The following STK3 variants were observed in gnomAD, a reference collection of about 807,000 sequenced individuals.
STK3 encodes the protein serine/threonine-protein kinase 3.
A neutral mutation model predicts 58.0 loss-of-function variants in STK3; 41 were observed. The ratio of observed to expected loss-of-function variants is 0.71; its 90% CI spans 0.55 to 0.92. STK3 has a LOEUF of 0.92. Ranked by LOEUF, STK3 falls within the 40% of genes least tolerant of loss-of-function variation. STK3 has a pLI of 0.00. For synonymous variants in STK3, 170 were observed against 191.0 expected (o/e 0.89, Z 0.91); for missense variants, 479 against 602.7 (o/e 0.79, Z 2.15).
Position 98,685,515 on chromosome 8 carries a change from T to C in STK3, c.684+20952A>G, listed in dbSNP as rs151066833. Among the ~76,000 whole-genome samples the C allele has an allele frequency of 3.0e-3, 452 of 152,198 alleles. 7 individuals are homozygous for C. The East Asian group carries it at 0.062, about 21-fold the overall frequency. ...ACAAGACAAAAATATGTTGAAACTG[T>C]CACTGTAATAAACCTTAATCCCCAG... On this transcript the variant is annotated intron_variant, in intron 6 of 10. Coordinates refer to ENST00000419617, the MANE Select transcript of STK3 (RefSeq NM_006281.4).
intron 4 of STK3, among the ~76,000 whole-genome samples, chr8:98,711,732 T>G (rs1826468681): frequency 6.6e-6 from 1 of 152,214 alleles, no homozygotes; most frequent in African/African-American, 2.4e-5. Flanking sequence ...CCAGGAGAAC[T>G]TCCTCAACCT....
intron 6 of STK3, among the ~76,000 whole-genome samples, chr8:98,653,646 G>A (rs1001663552): frequency 6.6e-5 from 10 of 152,006 alleles, no homozygotes; most frequent in African/African-American, 2.4e-4. Flanking sequence ...AATGATAAAG[G>A]GGATATCACG....
In STK3 at chr8:98,767,375, A is replaced by C; in HGVS notation, c.108-4T>G. ...TTTAAATACACTTCCATAAGACCTA[A>C]AAGAAACCAAGACATTATTTTTTTC... On this transcript the variant is annotated splice_polypyrimidine_tract_variant and splice_region_variant and intron_variant, in intron 2 of 10. Transcript: ENST00000419617. 6.3e-7 allele frequency: 1 copy of C among 1,586,668 alleles called. No individual in the cohort carries two copies. The highest frequency in any genetic ancestry group is 8.5e-7 in the Non-Finnish European group (1 of 1,172,742).
downstream of STK3, among the ~76,000 whole-genome samples, chr8:98,452,171 A>G (rs1819228392): frequency 6.6e-6 from 1 of 152,210 alleles, no homozygotes; most frequent in Non-Finnish European, 1.5e-5. Flanking sequence ...TTATTAATGT[A>G]TTATATAATT....
intron 3 of STK3, among the ~76,000 whole-genome samples, chr8:98,425,790 T>C (rs1207432868): frequency 6.6e-6 from 1 of 152,078 alleles, no homozygotes; most frequent in Non-Finnish European, 1.5e-5. Flanking sequence ...CAGGATTGCG[T>C]AAAGAAAGAA....
Position 98,907,149 on chromosome 8 carries a change from T to A in STK3, c.-78-23315A>T, listed in dbSNP as rs540267988. ...CTCCAGCCTGGGCGACAGAGCAAGA[T>A]TCTGTCTCAAAAGCAACCAAAAAAC... On this transcript the variant is annotated intron_variant, in intron 1 of 1. Coordinates refer to the STK3 transcript ENST00000519420. Among the ~76,000 whole-genome samples the A allele has an allele frequency of 2.5e-3, 345 of 140,160 alleles. 2 individuals are homozygous for A. Among genetic ancestry groups the A allele is most frequent in the African/African-American group, 8.8e-3 (334 of 37,778 alleles). 92.0% of individuals were successfully genotyped at this position (140,160 alleles called of 152,430 possible). A position where few individuals can be genotyped will look rare whatever the true frequency, so the allele number is the denominator to read the frequency against.
At chr8:98,937,605 GT>G (rs1840242284) in intron 1 of STK3, among the ~76,000 whole-genome samples, 1 of 152,148 alleles carries the variant, frequency 6.6e-6, no homozygotes, top group African/African-American at 2.4e-5. Flanking sequence ...AAAGTTCAAG[GT>G]TTCAAACAAT....
intron 6 of STK3, among the ~76,000 whole-genome samples, chr8:98,625,802 G>T (rs1224645168): frequency 6.6e-6 from 1 of 152,156 alleles, no homozygotes; most frequent in African/African-American, 2.4e-5. Context: ...ACTGACAACA[G>T]ACAACCACCA....
intron 6 of STK3, among the ~76,000 whole-genome samples, chr8:98,618,318 A>T (rs1262400851): frequency 2.0e-5 from 3 of 148,262 alleles, no homozygotes; most frequent in African/African-American, 7.5e-5. Flanking sequence ...GTATTTCAAA[A>T]TAATAAGAGC....
chr8:98,754,260 A>C lies in STK3; in HGVS notation c.237-4870T>G, dbSNP rs145985396. 1.9e-3 allele frequency among the ~76,000 whole-genome samples: 296 copies of C among 152,282 alleles called. 1 individual carries two copies. The highest frequency in any genetic ancestry group is 7.0e-3 in the African/African-American group (289 of 41,562). On this transcript the variant is annotated intron_variant, in intron 3 of 10. Transcript: ENST00000419617. ...TAGAACTGCAACATATGAGAAACAA[A>C]AAAAAAAATTCTTTACATGTACTCC...
At chr8:98,855,312 C>T (rs1289546498) in intron 3 of STK3, among the ~76,000 whole-genome samples, 3 of 152,166 alleles carry the variant, frequency 2.0e-5, no homozygotes, top group Non-Finnish European at 2.9e-5. Context: ...GTGGTGCAGG[C>T]ACAAGGACAG....
At chr8:98,407,970 G>T (rs991675303) in intron 3 of STK3, among the ~76,000 whole-genome samples, 4 of 152,162 alleles carry the variant, frequency 2.6e-5, no homozygotes, top group African/African-American at 9.7e-5. Flanking sequence ...CATTATACTC[G>T]CAGTGAACCT....
chr8:98,637,447 C>A (rs922532567), intron 6 of STK3, among the ~76,000 whole-genome samples: 1 of 152,100 alleles, frequency 6.6e-6, no homozygotes, highest in Non-Finnish European at 1.5e-5. Flanking sequence ...TTCTGATTGC[C>A]TTTGGGTAGG....
intron 3 of STK3, among the ~76,000 whole-genome samples, chr8:98,848,402 A>G (rs897073401): frequency 2.0e-5 from 3 of 152,042 alleles, no homozygotes; most frequent in African/African-American, 7.2e-5. Context: ...GGTATGCGCC[A>G]CCATGCCTGG....
At chr8:98,658,851 G>T (rs529280085) in intron 6 of STK3, among the ~76,000 whole-genome samples, 1 of 152,038 alleles carries the variant, frequency 6.6e-6, no homozygotes, top group East Asian at 1.9e-4. Flanking sequence ...TTAAAAAATG[G>T]GTCAAACACA....
chr8:98,630,351 C>G (rs1007377701), intron 6 of STK3, among the ~76,000 whole-genome samples: 1 of 152,142 alleles, frequency 6.6e-6, no homozygotes, highest in African/African-American at 2.4e-5. Flanking sequence ...TATTAAGAAT[C>G]AGTATTAAGG....
At chr8:98,616,533 C>G in intron 6 of STK3, among the ~76,000 whole-genome samples, 2 of 142,022 alleles carry the variant, frequency 1.4e-5, no homozygotes, top group African/African-American at 5.3e-5. Context: ...GATAAAGAGT[C>G]AAGACCCATC....
intron 10 of STK3, among the ~76,000 whole-genome samples, chr8:98,515,604 A>G (rs1024436995): frequency 6.6e-6 from 1 of 152,082 alleles, no homozygotes; most frequent in Non-Finnish European, 1.5e-5. Context: ...TCTTCACTAA[A>G]GGCTTAGTGA....
intron 1 of STK3, among the ~76,000 whole-genome samples, chr8:98,939,898 T>C (rs1214531035): frequency 6.6e-6 from 1 of 152,232 alleles, no homozygotes; most frequent in African/African-American, 2.4e-5. Flanking sequence ...CGGATGTGTC[T>C]GGGGCCTGTC....
Sources: gnomAD v4.1 joint callset for allele counts (sites outside exome capture counted in the v4.1 genomes callset) on GRCh38, gnomAD v4.1.1 for gene constraint, MANE v1.5 for transcripts, NCBI Gene and HGNC (gene_info 2026-07-23, HGNC 2026-07-21) for gene names.